The following LRIG3 variants were observed in gnomAD, a reference collection of about 807,000 sequenced individuals.
LRIG3 encodes leucine-rich repeats and immunoglobulin-like domains protein 3.
LRIG3 carries 76 observed loss-of-function variants against 114.5 expected under a neutral mutation model. The observed-to-expected ratio is 0.66, with a 90% CI of 0.55 to 0.80. The LOEUF (loss-of-function observed/expected upper bound fraction) is 0.80. Ranked by LOEUF, LRIG3 falls within the 30% of genes least tolerant of loss-of-function variation. The pLI is 0.00. For synonymous variants in LRIG3, 512 were observed against 519.8 expected, an observed-to-expected ratio of 0.98 and a Z score of 0.20; for missense variants, 1,239 against 1,382.8, an observed-to-expected ratio of 0.90 and a Z score of 1.65.
In LRIG3 at chr12:58,876,526, C is replaced by T. The variant is rs770518505; in HGVS notation, c.2614G>A (p.Val872Met). ...GTLADRQDGY[V>M]SSESGSHHQF... ...TGGTGGCTTCCACTTTCTGAAGACACGTACCCATCCTGCCTGTCAGCTAAC... is the reference window on the plus strand; with the variant it reads ...TGGTGGCTTCCACTTTCTGAAGACATGTACCCATCCTGCCTGTCAGCTAAC... The change falls in exon 16 of 19, where the codon GTG becomes ATG. Residue 872 changes from valine (V) to methionine (M), a missense_variant. Transcript: ENST00000320743. 4.4e-5 allele frequency: 71 copies of T among 1,613,994 alleles called. No homozygotes were observed. Among genetic ancestry groups the T allele is most frequent in the African/African-American group, 5.3e-5 (4 of 74,902 alleles).
chr12:58,919,306 A>C (rs1185269146), intron 1 of LRIG3: 1 of 1,417,496 alleles, frequency 7.1e-7, no homozygotes, highest in African/African-American at 1.4e-5. Flanking sequence ...GCTCTCCCCT[A>C]AACCGTCTGG....
At position 58,895,346 on chromosome 12, in the gene LRIG3, A is replaced by T. The variant is rs1157099342; in HGVS notation, c.384-4550T>A. Among the ~76,000 whole-genome samples the T allele has an allele frequency of 3.3e-5, 5 of 152,190 alleles. No homozygotes were observed. In the East Asian group the frequency reaches 9.6e-4, roughly 29 times the overall value. On this transcript the variant is annotated intron_variant, in intron 3 of 18. Coordinates refer to ENST00000320743, the MANE Select transcript of LRIG3 (RefSeq NM_153377.5). The stretch of plus-strand genomic sequence containing the variant: ...GACTTCTAGAATGTTGGAGGTCAGC[A>T]AAACTTCCCAAAGGAAGGGAAGAAA...
intron 6 of LRIG3, 26 bp from the exon 7 acceptor site, chr12:58,888,498 C>T (rs1871349212): frequency 6.2e-7 from 1 of 1,608,842 alleles, no homozygotes; most frequent in Non-Finnish European, 8.5e-7. Flanking sequence ...GAATCAAAAG[C>T]AGGATCAAAA....
intron 10 of LRIG3, among the ~76,000 whole-genome samples, chr12:58,885,029 G>C (rs559053784): frequency 1.3e-5 from 2 of 152,060 alleles, no homozygotes; most frequent in African/African-American, 4.8e-5. Flanking sequence ...GAAAATTCCT[G>C]AGCCCCTAAA....
chr12:58,920,339 C>T lies in LRIG3; in HGVS notation c.-104G>A. 2.5e-6 allele frequency: 2 copies of T among 814,258 alleles called. No individual in the cohort carries two copies. The highest frequency in any genetic ancestry group is 3.7e-5 in the South Asian group (1 of 27,134). 50.4% of individuals were successfully genotyped at this position (814,258 alleles called of 1,614,324 possible). On this transcript the variant is annotated 5_prime_UTR_variant, in exon 1 of 19. Transcript: ENST00000320743. ...GGGTGCACGCCCGCCCTCGCGGTCG[C>T]GTGCGCGCTCCTCCCTCGCGCTGCC...
At chr12:58,899,663 C>G (rs940881253) in intron 3 of LRIG3, among the ~76,000 whole-genome samples, 1 of 151,966 alleles carries the variant, frequency 6.6e-6, no homozygotes, top group Admixed American at 6.6e-5. Context: ...ATTCTCATTT[C>G]TCATTTGTTT....
rs1870923951 is a variant in LRIG3 at position 58,876,546 on chromosome 12, G to C, written c.2594C>G (p.Ala865Gly). ...AGACACGTACCCATCCTGCCTGTCAGCTAACGTTCCCTGAGATGACAAATA... is the reference window on the plus strand; with the variant it reads ...AGACACGTACCCATCCTGCCTGTCACCTAACGTTCCCTGAGATGACAAATA... Reference protein sequence around the residue: ...PSYLSSQGTLADRQDGYVSSE... With the variant: ...PSYLSSQGTLGDRQDGYVSSE... Residue 865 changes from alanine to glycine, a missense_variant, in exon 16 of 19, where the codon GCT (alanine) becomes GGT (glycine). Physicochemically the swap from Ala to Gly is moderately conservative, Grantham distance 60. Transcript: ENST00000320743. 7.4e-6 allele frequency: 12 copies of C among 1,614,048 alleles called. No individual in the cohort carries two copies. The highest frequency in any genetic ancestry group is 1.0e-5 in the Non-Finnish European group (12 of 1,180,014).
intron 15 of LRIG3, 87 bp from the exon 16 acceptor site, chr12:58,876,690 G>T: frequency 7.0e-7 from 1 of 1,435,630 alleles, no homozygotes; most frequent in South Asian, 1.2e-5. Context: ...AGACTATTTT[G>T]GCTTCTGTAT....
intron 3 of LRIG3, among the ~76,000 whole-genome samples, chr12:58,892,164 C>T (rs901713066): frequency 3.9e-5 from 6 of 152,158 alleles, no homozygotes; most frequent in African/African-American, 1.4e-4. Context: ...AACGGATGTG[C>T]AAGCCATCAT....
intron 1 of LRIG3, among the ~76,000 whole-genome samples, chr12:58,916,919 G>C (rs1445758483): frequency 1.3e-5 from 2 of 152,120 alleles, no homozygotes; most frequent in African/African-American, 2.4e-5. Flanking sequence ...AATTTTAAAT[G>C]CAAATCCAGC....
chr12:58,885,071 TAGGAGCTACTGGGAGTAGCGGC>T (rs1432176451), intron 10 of LRIG3, among the ~76,000 whole-genome samples: 1 of 152,130 alleles, frequency 6.6e-6, no homozygotes, highest in Non-Finnish European at 1.5e-5. Flanking sequence ...CAGGAGTTAC[TAGGAGCTACTGGGAGTAGCGGC>T]AGAGATTGTA....
Position 58,877,817 on chromosome 12 carries a change from T to C in LRIG3, c.2119A>G (p.Thr707Ala), listed in dbSNP as rs201418375. ...ACGGCTGTTTCTCCCTTGGTTACAG[T>C]TCGGTCCAACAGTGGCCGCAAAAAT... is the stretch of plus-strand genomic sequence containing the variant. The part of the protein sequence containing the change: ...PSFLRPLLDR[T>A]VTKGETAVLQ... Residue 707 changes from threonine to alanine, a missense_variant, in exon 15 of 19, where the codon ACT becomes GCT. Physicochemically the swap from Thr to Ala is moderately conservative, Grantham distance 58 (BLOSUM62 0). Coordinates refer to ENST00000320743, the MANE Select transcript of LRIG3 (RefSeq NM_153377.5). 50 of 1,612,978 alleles carry C rather than the reference T, an allele frequency of 3.1e-5. No homozygotes were observed. In the South Asian group the frequency reaches 4.9e-4, roughly 16 times the overall value.
chr12:58,919,649 G>A (rs1872600498), intron 1 of LRIG3: 1 of 1,379,608 alleles, frequency 7.2e-7, no homozygotes, highest in Non-Finnish European at 9.7e-7. Flanking sequence ...GCAGGTTGCC[G>A]CTTATCTCCC....
chr12:58,893,010 C>T (rs1197490498), intron 3 of LRIG3, among the ~76,000 whole-genome samples: 1 of 152,218 alleles, frequency 6.6e-6, no homozygotes, highest in Non-Finnish European at 1.5e-5. Flanking sequence ...TACCCTGGCT[C>T]ATTGAGCCAT....
chr12:58,896,772 T>C (rs1871656858), intron 3 of LRIG3, among the ~76,000 whole-genome samples: 1 of 152,318 alleles, frequency 6.6e-6, no homozygotes, highest in African/African-American at 2.4e-5. Context: ...GCTGAATCTG[T>C]GGTCATTCCA....
intron 4 of LRIG3, 26 bp downstream of exon 4, chr12:58,890,639 T>C (rs771783054): frequency 1.3e-6 from 2 of 1,546,662 alleles, no homozygotes; most frequent in Non-Finnish European, 1.7e-6. Flanking sequence ...CAGGTGAAAG[T>C]TTTTGCTAAA....
intron 3 of LRIG3, among the ~76,000 whole-genome samples, chr12:58,903,019 G>A (rs565864289): frequency 5.3e-4 from 80 of 152,138 alleles, no homozygotes; most frequent in African/African-American, 1.7e-3. Flanking sequence ...GAATAGTGCC[G>A]CAATAAACAT....
In LRIG3 at chr12:58,883,600, T is replaced by C; in HGVS notation, c.1245-9A>G. 1 of 1,537,082 alleles carries C rather than the reference T, an allele frequency of 6.5e-7. No individual in the cohort carries two copies. The highest frequency in any genetic ancestry group is 8.9e-7 in the Non-Finnish European group (1 of 1,126,418). On this transcript the variant is annotated splice_polypyrimidine_tract_variant and intron_variant, in intron 10 of 18. Transcript: ENST00000320743. Reference sequence around the variant, plus strand: ...CGTTGTCACTCAGGTCTCTGAAAAATCACCAAATCAAATGCATCAGAGCAA... The same window carrying C: ...CGTTGTCACTCAGGTCTCTGAAAAACCACCAAATCAAATGCATCAGAGCAA...
chr12:58,877,862 C>T lies in LRIG3; in HGVS notation c.2084-10G>A, dbSNP rs990146205. 6.3e-7 allele frequency: 1 copy of T among 1,588,616 alleles called. No individual in the cohort carries two copies. Among genetic ancestry groups the T allele is most frequent in the South Asian group, 1.1e-5 (1 of 89,544 alleles). ...AAAAATGATGGTGTTTCTGAAATAA[C>T]AAGTTATGCTTTTAATTTCCCAAAT... On this transcript the variant is annotated splice_polypyrimidine_tract_variant and intron_variant, in intron 14 of 18. Coordinates refer to ENST00000320743, the MANE Select transcript of LRIG3 (RefSeq NM_153377.5).
Sources: allele counts gnomAD v4.1 joint callset (sites outside exome capture counted in the v4.1 genomes callset), GRCh38; gene constraint gnomAD v4.1.1; transcripts MANE v1.5; gene names NCBI Gene and HGNC (gene_info 2026-07-23, HGNC 2026-07-21).